Variants in USP24 observed in about 807,000 individuals in gnomAD.
USP24 encodes the protein ubiquitin carboxyl-terminal hydrolase 24.
In USP24, 97 loss-of-function variants were observed where a neutral mutation model predicts 361.6. That is an observed-to-expected ratio of 0.27 (90% CI 0.23 to 0.32). The LOEUF (loss-of-function observed/expected upper bound fraction) is 0.32. USP24 is among the 10% of genes least tolerant of loss of function. The pLI is 1.00. For missense variants in USP24, 2,353 were observed against 3,165.6 expected (o/e 0.74, Z 6.16); for synonymous variants, 1,098 against 1,124.6 (o/e 0.98, Z 0.47).
chr1:55,168,431 T>G (rs879057419), intron 5 of USP24, among the ~76,000 whole-genome samples: 6 of 151,414 alleles, frequency 4.0e-5, no homozygotes, highest in African/African-American at 1.5e-4. Flanking sequence ...AAAAAAAAAT[T>G]AAAAAGCTCA....
Position 55,106,135 on chromosome 1 carries a change from A to G in USP24, c.4880+11T>C, listed in dbSNP as rs1645766417. 1 of 1,601,138 alleles carries G rather than the reference A, an allele frequency of 6.2e-7. No homozygotes were observed. Among genetic ancestry groups the G allele is most frequent in the Non-Finnish European group, 8.6e-7 (1 of 1,168,396 alleles). The stretch of plus-strand genomic sequence containing the variant: ...TTTACCAAAACTGAACACAACGTGC[A>G]TTTTCCATACTTTGGATGAAAGTCC... On this transcript the variant is annotated intron_variant, in intron 41 of 67. Transcript: ENST00000294383.
At chr1:55,151,086 A>C (rs1447855384) in intron 16 of USP24, among the ~76,000 whole-genome samples, 2 of 152,226 alleles carry the variant, frequency 1.3e-5, no homozygotes, top group South Asian at 4.1e-4. Flanking sequence ...TCTCATATAA[A>C]AGTTCATTGA....
intron 2 of USP24, 88 bp downstream of exon 2, chr1:55,177,879 C>A: frequency 7.8e-7 from 1 of 1,279,650 alleles, no homozygotes; most frequent in Non-Finnish European, 1.1e-6. Flanking sequence ...TCCAATAACA[C>A]ACAGCTAGGC....
In USP24 at chr1:55,069,063, A is replaced by C; in HGVS notation, c.7845T>G (p.Leu2615=). 6.2e-7 allele frequency: 1 copy of C among 1,613,982 alleles called. No individual in the cohort carries two copies. Among genetic ancestry groups the C allele is most frequent in the Non-Finnish European group, 8.5e-7 (1 of 1,179,878 alleles). The change falls in exon 68 of 68, where the codon CTT becomes CTG. Residue 2615 remains leucine (L), a synonymous_variant. Transcript: ENST00000294383. Reference sequence around the variant, plus strand: ...TGTTCCTCTAGGGATCAACATCATCAAGGTCACTTCTCAACTCACCAATCA... The same window carrying C: ...TGTTCCTCTAGGGATCAACATCATCCAGGTCACTTCTCAACTCACCAATCA... ...PMMIGELRSD[L]DDVDP
At chr1:55,158,844 C>CA (rs748760068) in intron 10 of USP24, 34 bp downstream of exon 10, 1 of 1,422,314 alleles carries the variant, frequency 7.0e-7, no homozygotes, top group Non-Finnish European at 9.3e-7. Context: ...AGTATCTGTG[C>CA]ATTAAGTCTT....
chr1:55,186,242 C>A (rs72913351), intron 1 of USP24, among the ~76,000 whole-genome samples: 1,741 of 152,224 alleles, frequency 0.011, 23 homozygotes, highest in African/African-American at 0.038. Flanking sequence ...AATTTCACAT[C>A]TATTAGTATG....
Position 55,107,290 on chromosome 1 carries a change from G to C in USP24, c.4711C>G (p.Arg1571Gly). The C allele has an allele frequency of 6.2e-7, 1 of 1,613,872 alleles. No individual in the cohort carries two copies. The highest frequency in any genetic ancestry group is 2.2e-5 in the East Asian group (1 of 44,876). The change falls in exon 40 of 68, where the codon CGC becomes GGC. Residue 1571 changes from arginine (R) to glycine (G), a missense_variant. By Grantham distance (125) the Arg-to-Gly change is moderately radical (BLOSUM62 -2). Transcript: ENST00000294383. ...ADNILLAGHLRLIKTLLSLCG... is the reference protein window; with the variant it reads ...ADNILLAGHLGLIKTLLSLCG... The stretch of plus-strand genomic sequence containing the variant: ...AGTGAAAGAAGGGTCTTGATGAGGC[G>C]TAAGTGCCCTGCCAGTAAGATGTTG...
chr1:55,078,485 T>C, intron 61 of USP24, 53 bp downstream of exon 61: 1 of 1,455,914 alleles, frequency 6.9e-7, no homozygotes, highest in Non-Finnish European at 9.4e-7. Flanking sequence ...GATGCTCTCC[T>C]AGAGTCTCAC....
rs1176309200 is a variant in USP24, at chr1:55,158,949, G to A, written c.1156C>T (p.Leu386Phe). ...QPDLVTIVDD[L>F]RLDILLRMLK... ...ATGCGCAATAGAATATCTAGTCGAA[G>A]GTCATCCACAATTGTCACCAGATCC... is the stretch of plus-strand genomic sequence containing the variant. The change falls in exon 10 of 68, where the codon CTT (leucine) becomes TTT (phenylalanine). Residue 386 changes from leucine to phenylalanine, a missense_variant. This residue lies in a region of USP24 where 386 missense variants were observed against 560.5 expected (regional missense o/e 0.69). Coordinates refer to ENST00000294383, the MANE Select transcript of USP24 (RefSeq NM_015306.3). 6.2e-7 allele frequency: 1 copy of A among 1,600,696 alleles called. No homozygotes were observed. Among genetic ancestry groups the A allele is most frequent in the African/African-American group, 1.3e-5 (1 of 74,756 alleles).
chr1:55,199,873 C>G (rs1644524430), intron 1 of USP24, among the ~76,000 whole-genome samples: 1 of 152,148 alleles, frequency 6.6e-6, no homozygotes, highest in Non-Finnish European at 1.5e-5. Context: ...ATTGGACTTA[C>G]AGTTCCACGT....
Position 55,141,624 on chromosome 1 carries a change from A to G in USP24, c.2742T>C (p.Ser914=), listed in dbSNP as rs1239231247. 3 of 1,610,938 alleles carry G rather than the reference A, an allele frequency of 1.9e-6. No individual in the cohort carries two copies. The South Asian group carries it at 3.3e-5, about 18-fold the overall frequency. The change falls in exon 24 of 68, where the codon TCT becomes TCC. Residue 914 remains serine, a synonymous_variant. Transcript: ENST00000294383. ...AMPTVATSVQ[S]PYRSTKLVII... ...CACTTCTGATCACTTACCTATAAGG[A>G]GACTGAACTGAGGTTGCTACAGTTG... is the stretch of plus-strand genomic sequence containing the variant.
chr1:55,071,473 C>T (rs958258032), intron 67 of USP24: 9 of 1,045,672 alleles, frequency 8.6e-6, no homozygotes, highest in East Asian at 7.3e-5. Context: ...TGAGAGCAAA[C>T]GAGGGACTTT....
rs1646774201 is a variant in USP24, at chr1:55,137,599, G to C, written c.3117C>G (p.Thr1039=). Residue 1039 remains threonine, a synonymous_variant, in exon 28 of 68, where the codon ACC becomes ACG. Transcript: ENST00000294383. The part of the protein sequence containing the change: ...ILTVKTSGSG[T]PSGSSADSST... ...AAGAATCTGCTGAACTCCCAGATGG[G>C]GTCCCACTGCCAGAAGTCTTCACTG... 1.9e-6 allele frequency: 3 copies of C among 1,613,126 alleles called. No homozygotes were observed. The highest frequency in any genetic ancestry group is 2.7e-5 in the African/African-American group (2 of 74,866).
At chr1:55,200,906 T>C (rs912041968) in intron 1 of USP24, among the ~76,000 whole-genome samples, 4 of 152,228 alleles carry the variant, frequency 2.6e-5, no homozygotes, top group African/African-American at 9.6e-5. Context: ...GCAATATTTT[T>C]CTATGTGAGC....
chr1:55,214,639 C>T, intron 1 of USP24, 151 bp downstream of exon 1: 1 of 682,578 alleles, frequency 1.5e-6, no homozygotes, highest in Non-Finnish European at 1.9e-6. Context: ...CCAACTGGAG[C>T]CTGGGGCTTC....
intron 32 of USP24, among the ~76,000 whole-genome samples, chr1:55,128,226 G>A (rs543007086): frequency 2.0e-5 from 3 of 152,190 alleles, no homozygotes; most frequent in African/African-American, 7.2e-5. Context: ...ATGTCATTCT[G>A]TCACTGCCCT....
In USP24 at chr1:55,110,104, A is replaced by C. The variant is rs2100548551; in HGVS notation, c.4570+81T>G. The C allele has an allele frequency of 2.1e-5, 25 of 1,201,332 alleles. 1 individual carries two copies. The South Asian group carries it at 3.0e-4, about 14-fold the overall frequency. 74.4% of individuals were successfully genotyped at this position (1,201,332 alleles called of 1,614,324 possible). A position where few individuals can be genotyped will look rare whatever the true frequency, so the allele number is the denominator to read the frequency against. On this transcript the variant is annotated intron_variant, in intron 39 of 67. Transcript: ENST00000294383. ...TTGTATTTACACCTGAGATATGTAA[A>C]TCATATTTAGAAATGTCCGTGTGAC...
rs75795059 is a variant in USP24, at chr1:55,096,056, A to G, written c.6061+442T>C. ...GGGAGTGGGGATTGTAGAGGGAAAG[A>G]CTGCTTTGCCACACTGCATAATAAA... is the stretch of plus-strand genomic sequence containing the variant. On this transcript the variant is annotated intron_variant, in intron 50 of 67. Coordinates refer to ENST00000294383, the MANE Select transcript of USP24 (RefSeq NM_015306.3). Among the ~76,000 whole-genome samples, 657 of 152,324 alleles carry G rather than the reference A, an allele frequency of 4.3e-3. 1 individual carries two copies. Among genetic ancestry groups the G allele is most frequent in the African/African-American group, 0.015 (637 of 41,554 alleles).
intron 34 of USP24, 72 bp from the exon 35 acceptor site, chr1:55,124,700 A>G (rs1646376947): frequency 6.5e-7 from 1 of 1,549,550 alleles, no homozygotes. Context: ...CAACCTTCTT[A>G]CAGGTCTCAG....
Sources: gnomAD v4.1 joint callset for allele counts (sites outside exome capture counted in the v4.1 genomes callset) on GRCh38, gnomAD v4.1.1 for gene constraint, gnomAD v4.1.1 regional missense constraint, MANE v1.5 for transcripts, NCBI Gene and HGNC (gene_info 2026-07-23, HGNC 2026-07-21) for gene names.